Variants in TRRAP observed in about 807,000 individuals in gnomAD.
The protein encoded by TRRAP is transformation/transcription domain associated protein.
In TRRAP, 41 loss-of-function variants were observed where a neutral mutation model predicts 438.8. That is an observed-to-expected ratio of 0.09 (90% CI 0.07 to 0.12). TRRAP has a LOEUF of 0.12. TRRAP is among the 10% of genes least tolerant of loss of function. TRRAP has a pLI of 1.00. For synonymous variants in TRRAP, 1,994 were observed against 1,962.9 expected (o/e 1.02, Z -0.42); for missense variants, 3,122 against 5,055.1 (o/e 0.62, Z 11.60).
intron 46 of TRRAP, 45 bp from the exon 47 acceptor site, chr7:98,962,257 C>T (rs749534557): frequency 4.3e-6 from 7 of 1,613,008 alleles, no homozygotes; most frequent in Admixed American, 3.3e-5. Context: ...CACTGGTGGG[C>T]CCAAGAGCCA....
chr7:98,917,762 C>T, intron 20 of TRRAP, 83 bp downstream of exon 20: 8 of 1,525,872 alleles, frequency 5.2e-6, no homozygotes, highest in Admixed American at 1.9e-5. Context: ...CAAGAGTGGG[C>T]TCTGCAAGAT....
intron 3 of TRRAP, among the ~76,000 whole-genome samples, chr7:98,888,536 C>A (rs1361257339): frequency 6.6e-6 from 1 of 152,016 alleles, no homozygotes; most frequent in African/African-American, 2.4e-5. Flanking sequence ...GACTCCGTCT[C>A]AAAAAAAACT....
chr7:98,917,289 C>CT, intron 19 of TRRAP, 134 bp from the exon 20 acceptor site: 11 of 1,261,184 alleles, frequency 8.7e-6, no homozygotes, highest in Non-Finnish European at 1.2e-5. Flanking sequence ...AGGGTGGAGT[C>CT]TAAGGGCACA....
chr7:98,896,027 A>T (rs1796183425), intron 7 of TRRAP, among the ~76,000 whole-genome samples: 2 of 152,158 alleles, frequency 1.3e-5, no homozygotes, highest in Admixed American at 6.6e-5. Context: ...TCACTTAAGT[A>T]CTTTTTTTGT....
chr7:98,994,661 T>C lies in TRRAP; in HGVS notation c.10122T>C (p.Asp3374=), dbSNP rs998841342. ...TTGAGAAAAGTGGAGCGGTGTCCGA[T>C]GCTAAAATCACCCCCCACACTCTCA... is the stretch of plus-strand genomic sequence containing the variant. The part of the protein sequence containing the change: ...VAFEKSGAVS[D]AKITPHTLNF... The change falls in exon 67 of 73, where the codon GAT becomes GAC. Residue 3374 remains aspartate, a synonymous_variant. Transcript: ENST00000456197. This position sits in a 1 kb window ranked among gnomAD's most constrained non-coding sequence, Gnocchi z 4.8. The C allele has an allele frequency of 3.7e-6, 6 of 1,614,226 alleles. No individual in the cohort carries two copies. The highest frequency in any genetic ancestry group is 5.1e-6 in the Non-Finnish European group (6 of 1,180,046).
chr7:98,881,170 AG>A lies in TRRAP; in HGVS notation c.25del (p.Ala9ProfsTer9). ...AGAAAAATGGCGTTTGTTGCAACAC[AG>A]GGGGCCACGGTGGTTGACCAGACCA... MAFVAT[Q>X]GATVVDQTTL... On this transcript the variant is annotated frameshift_variant, in exon 2 of 73. Coordinates refer to ENST00000456197, the MANE Select transcript of TRRAP (RefSeq NM_001375524.1). LOFTEE classifies it high-confidence loss of function. 6.2e-7 allele frequency: 1 copy of A among 1,608,592 alleles called. No individual in the cohort carries two copies. The highest frequency in any genetic ancestry group is 1.7e-5 in the Admixed American group (1 of 59,058).
At position 98,981,894 on chromosome 7, in the gene TRRAP, C is replaced by T. The variant is rs749878307; in HGVS notation, c.8760C>T (p.Ser2920=). Residue 2920 remains serine (S), a synonymous_variant, in exon 59 of 73, where the codon AGC becomes AGT. Coordinates refer to ENST00000456197, the MANE Select transcript of TRRAP (RefSeq NM_001375524.1). ...FIERLVEMAS[S]LAIREWRRLP... ...AGCGCCTGGTGGAGATGGCCAGCAG[C>T]CTGGCCATCCGCGAGTGGCGGCGGC... is the stretch of plus-strand genomic sequence containing the variant. 1.2e-6 allele frequency: 2 copies of T among 1,610,026 alleles called. No homozygotes were observed. Among genetic ancestry groups the T allele is most frequent in the African/African-American group, 2.7e-5 (2 of 74,980 alleles).
chr7:98,977,097 G>A (rs1185590191), intron 56 of TRRAP, 21 bp downstream of exon 56: 6 of 1,613,880 alleles, frequency 3.7e-6, no homozygotes, highest in Non-Finnish European at 4.2e-6. Context: ...GACCACTGAC[G>A]GTCTTGGGTG....
chr7:98,989,969 TG>T (rs1394104301), intron 63 of TRRAP, among the ~76,000 whole-genome samples: 2 of 152,202 alleles, frequency 1.3e-5, no homozygotes, highest in African/African-American at 4.8e-5. Context: ...GGCTCACGCT[TG>T]TAAACCCAGC....
intron 11 of TRRAP, among the ~76,000 whole-genome samples, chr7:98,903,126 A>G (rs1399337932): frequency 6.6e-6 from 1 of 151,952 alleles, no homozygotes; most frequent in Non-Finnish European, 1.5e-5. Flanking sequence ...GGTTCAAGTG[A>G]TTGTTCTGCC....
chr7:98,983,545 G>T lies in TRRAP; in HGVS notation c.9022+86G>T, dbSNP rs951046329. On this transcript the variant is annotated intron_variant, in intron 60 of 72. Transcript: ENST00000456197. ...GGTTTCGTCTCTGTGTTTTGGTTTG[G>T]TTTGGTTTGGTTTTTTTTTCCCCCA... 5 of 1,487,026 alleles carry T rather than the reference G, an allele frequency of 3.4e-6. No individual in the cohort carries two copies. The African/African-American group carries it at 5.6e-5, about 17-fold the overall frequency. The allele number at this position is 1,487,026 out of a possible 1,614,324, so 92.1% of individuals were successfully genotyped here. A position where few individuals can be genotyped will look rare whatever the true frequency, so the allele number is the denominator to read the frequency against.
At chr7:98,967,764 A>T in intron 51 of TRRAP, 66 bp downstream of exon 51, 1 of 1,441,398 alleles carries the variant, frequency 6.9e-7, no homozygotes, top group South Asian at 1.2e-5. Context: ...GGGGCTCCAA[A>T]GCCAGGAGGT....
In TRRAP at chr7:98,978,746, C is replaced by T. The variant is rs1174489724; in HGVS notation, c.8499-23C>T. 2.7e-5 allele frequency: 44 copies of T among 1,613,870 alleles called. 1 individual carries two copies. The highest frequency in any genetic ancestry group is 3.4e-5 in the Non-Finnish European group (40 of 1,180,016). ...GAGTGTGCTGGTGATTGAGCTTTTG[C>T]TCTGGGATCTGTGGTCTTCTAGATG... On this transcript the variant is annotated intron_variant, in intron 57 of 72. Coordinates refer to ENST00000456197, the MANE Select transcript of TRRAP (RefSeq NM_001375524.1).
chr7:98,943,245 T>G (rs1790885772), intron 31 of TRRAP, among the ~76,000 whole-genome samples: 1 of 152,250 alleles, frequency 6.6e-6, no homozygotes, highest in South Asian at 2.1e-4. Context: ...TTTGGTTCAC[T>G]TTAATATGAC....
Position 99,011,638 on chromosome 7 carries a change from GCT to G in TRRAP, c.11337+107_11337+108del. The G allele has an allele frequency of 7.5e-7, 1 of 1,337,680 alleles. No individual in the cohort carries two copies. Among genetic ancestry groups the G allele is most frequent in the Non-Finnish European group, 1.0e-6 (1 of 985,922 alleles). The allele number at this position is 1,337,680 out of a possible 1,614,324, so 82.9% of individuals were successfully genotyped here. A position where few individuals can be genotyped will look rare whatever the true frequency, so the allele number is the denominator to read the frequency against. On this transcript the variant is annotated intron_variant, in intron 72 of 72. Coordinates refer to ENST00000456197, the MANE Select transcript of TRRAP (RefSeq NM_001375524.1). The surrounding 1 kb of genome is among the most constrained non-coding windows in gnomAD (Gnocchi z 7.1). ...TGCTGATGTGCCTCACGGGCTCTGCGCTCTCCACAGTGGCCAGCACCCCTGTG... is the reference window on the plus strand; with the variant it reads ...TGCTGATGTGCCTCACGGGCTCTGCGCTCCACAGTGGCCAGCACCCCTGTG...
Position 98,978,300 on chromosome 7 carries a change from G to C in TRRAP, c.8475G>C (p.Gln2825His), listed in dbSNP as rs541008066. Residue 2825 changes from glutamine to histidine, a missense_variant, in exon 57 of 73, where the codon CAG becomes CAC. By Grantham distance (24) the Gln-to-His change is conservative (BLOSUM62 0). Transcript: ENST00000456197. ...CCCCTGCTATTTTCCCTGAATACCAGCTCTGGGAAGACCACTGGATTCGGT... is the reference window on the plus strand; with the variant it reads ...CCCCTGCTATTTTCCCTGAATACCACCTCTGGGAAGACCACTGGATTCGGT... Reference protein sequence around the residue: ...NASPAIFPEYQLWEDHWIRCS... With the variant: ...NASPAIFPEYHLWEDHWIRCS... The C allele has an allele frequency of 1.9e-6, 3 of 1,614,072 alleles. No homozygotes were observed. The highest frequency in any genetic ancestry group is 1.1e-5 in the South Asian group (1 of 91,078).
chr7:98,936,251 A>T, intron 28 of TRRAP, among the ~76,000 whole-genome samples: 1 of 152,242 alleles, frequency 6.6e-6, no homozygotes, highest in East Asian at 1.9e-4. Flanking sequence ...TCTTAATAAC[A>T]TATTTCCAGA....
chr7:98,932,752 C>T (rs1038847719), intron 26 of TRRAP, among the ~76,000 whole-genome samples: 5 of 152,162 alleles, frequency 3.3e-5, no homozygotes, highest in Admixed American at 2.0e-4. Flanking sequence ...TAAATAGTTA[C>T]ACTTTAATAG....
At chr7:98,902,007 C>T (rs1796492720) in intron 11 of TRRAP, among the ~76,000 whole-genome samples, 1 of 152,220 alleles carries the variant, frequency 6.6e-6, no homozygotes, top group African/African-American at 2.4e-5. Context: ...CAGCAGCCTT[C>T]CTTGACTATG....
Sources: gnomAD v4.1 joint callset for allele counts (sites outside exome capture counted in the v4.1 genomes callset) on GRCh38, gnomAD v4.1.1 for gene constraint, Gnocchi (gnomAD v3.1) non-coding constraint, MANE v1.5 for transcripts, NCBI Gene and HGNC (gene_info 2026-07-23, HGNC 2026-07-21) for gene names.